The following ATP5MC3 variants were observed in gnomAD, a reference collection of about 807,000 sequenced individuals.
ATP5MC3 encodes ATP synthase membrane subunit c locus 3.
ATP5MC3 carries 6 observed loss-of-function variants against 15.6 expected under a neutral mutation model. The ratio of observed to expected loss-of-function variants is 0.38; its 90% CI spans 0.21 to 0.76. ATP5MC3 has a LOEUF of 0.76. ATP5MC3 is among the 30% of genes least tolerant of loss of function. The probability of loss-of-function intolerance (pLI) is 0.44; values close to 1 mark genes in which losing one functional copy is unlikely to be tolerated. For missense variants in ATP5MC3, 132 were observed against 171.2 expected, an observed-to-expected ratio of 0.77 and a Z score of 1.28; for synonymous variants, 66 against 63.3, an observed-to-expected ratio of 1.04 and a Z score of -0.20.
At chr2:175,180,846 A>G (rs1300207257) in intron 2 of ATP5MC3, among the ~76,000 whole-genome samples, 1 of 152,176 alleles carries the variant, frequency 6.6e-6, no homozygotes, top group Non-Finnish European at 1.5e-5. Context: ...TGTTATGAAA[A>G]TAATACTCCA....
At chr2:175,181,604 C>G (rs111370355) in intron 1 of ATP5MC3, 52 bp downstream of exon 1, 2 of 588,638 alleles carry the variant, frequency 3.4e-6, no homozygotes, top group Non-Finnish European at 2.9e-6. Context: ...TGGGTCCCTA[C>G]TGGGCGCCGC....
chr2:175,181,526 G>C, intron 1 of ATP5MC3, 60 bp from the exon 2 acceptor site: 2 of 1,116,810 alleles, frequency 1.8e-6, no homozygotes, highest in South Asian at 3.2e-5. Flanking sequence ...TTCCCACCCA[G>C]GCCCCGCAGG....
In ATP5MC3 at chr2:175,176,440, A is replaced by G. The variant is rs1700683167; in HGVS notation, c.*1848T>C. ...TGTACAATTCAGTGACATTTATTAT[A>G]TTTACAATGTTGTGCAACCATCACC... On this transcript the variant is annotated 3_prime_UTR_variant, in exon 5 of 5. Transcript: ENST00000284727. The G allele has an allele frequency of 6.6e-6, 1 of 152,192 alleles. No individual in the cohort carries two copies. Among genetic ancestry groups the G allele is most frequent in the Non-Finnish European group, 1.5e-5 (1 of 68,028 alleles). The allele number at this position is 152,192 out of a possible 1,614,324, so 9.4% of individuals were successfully genotyped here.
At position 175,178,271 on chromosome 2, in the gene ATP5MC3, TGTCAA is replaced by T. The variant is rs1559142525; in HGVS notation, c.*12_*16del. On this transcript the variant is annotated 3_prime_UTR_variant, in exon 5 of 5. Transcript: ENST00000284727. ...TCCGTAATTAATATGAATGCCAACA[TGTCAA>T]GCAGTAATTTGTTACATGGCAAACA... 1.2e-6 allele frequency: 2 copies of T among 1,600,048 alleles called. No homozygotes were observed. Among genetic ancestry groups the T allele is most frequent in the Non-Finnish European group, 1.7e-6 (2 of 1,176,144 alleles).
chr2:175,178,341 C>G lies in ATP5MC3; in HGVS notation c.376G>C (p.Ala126Pro). The change falls in exon 5 of 5, where the codon GCT (alanine) becomes CCT (proline). Residue 126 changes from alanine (A) to proline (P), a missense_variant. Around this residue, in one of 2 missense-constraint regions of ATP5MC3, gnomAD observed 42 missense variants for 85.0 expected, o/e 0.49. Coordinates refer to ENST00000284727, the MANE Select transcript of ATP5MC3 (RefSeq NM_001689.5). ...YAILGFALSEAMGLFCLMVAF... is the reference protein window; with the variant it reads ...YAILGFALSEPMGLFCLMVAF... ...ACCATCAAACAAAAGAGACCCATAG[C>G]TTCAGACAAGGCAAATCCCAGGATA... The G allele has an allele frequency of 6.2e-7, 1 of 1,613,156 alleles. No individual in the cohort carries two copies. Among genetic ancestry groups the G allele is most frequent in the Non-Finnish European group, 8.5e-7 (1 of 1,179,670 alleles).
chr2:175,181,431 G>A lies in ATP5MC3; in HGVS notation c.-38C>T. On this transcript the variant is annotated 5_prime_UTR_variant, in exon 2 of 5. Transcript: ENST00000284727. ...GGGACTGCGCGGCTGGAGATATTGGGTGACAGGCGACGTGGGCTCCTCTCC... is the reference window on the plus strand; with the variant it reads ...GGGACTGCGCGGCTGGAGATATTGGATGACAGGCGACGTGGGCTCCTCTCC... The A allele has an allele frequency of 6.2e-7, 1 of 1,612,132 alleles. No homozygotes were observed. Among genetic ancestry groups the A allele is most frequent in the Non-Finnish European group, 8.5e-7 (1 of 1,179,166 alleles).
intron 3 of ATP5MC3, 120 bp from the exon 4 acceptor site, chr2:175,179,370 CA>C (rs1445066623): frequency 7.9e-7 from 1 of 1,265,054 alleles, no homozygotes; most frequent in African/African-American, 1.5e-5. Context: ...TGTAAAGAGA[CA>C]AATCAAGAGC....
At position 175,178,323 on chromosome 2, in the gene ATP5MC3, A is replaced by T; in HGVS notation, c.394T>A (p.Leu132Met). The part of the protein sequence containing the change: ...ALSEAMGLFC[L>M]MVAFLILFAM ...AACAAAATCAAGAAAGCAACCATCAAACAAAAGAGACCCATAGCTTCAGAC... is the reference window on the plus strand; with the variant it reads ...AACAAAATCAAGAAAGCAACCATCATACAAAAGAGACCCATAGCTTCAGAC... The change falls in exon 5 of 5, where the codon TTG becomes ATG. Residue 132 changes from leucine to methionine, a missense_variant. Transcript: ENST00000284727. The T allele has an allele frequency of 6.2e-7, 1 of 1,611,518 alleles. No individual in the cohort carries two copies. Among genetic ancestry groups the T allele is most frequent in the Non-Finnish European group, 8.5e-7 (1 of 1,179,314 alleles).
chr2:175,179,345 T>C (rs1185014784), intron 3 of ATP5MC3, 95 bp from the exon 4 acceptor site: 41 of 1,415,396 alleles, frequency 2.9e-5, no homozygotes, highest in Non-Finnish European at 3.8e-5. Flanking sequence ...ACTACTTTTT[T>C]ATTTTGTAGC....
rs1700747396 is a variant in ATP5MC3, at chr2:175,180,132, A to G, written c.86T>C (p.Val29Ala). The change falls in exon 3 of 5, where the codon GTG becomes GCG. Residue 29 changes from valine (V) to alanine (A), a missense_variant. By Grantham distance (64) the Val-to-Ala change is moderately conservative. Coordinates refer to ENST00000284727, the MANE Select transcript of ATP5MC3 (RefSeq NM_001689.5). ...CCTACTAGCCTCTGGTCGAGATAACACTGATGCAGAAATTGGTCTGTATGC... is the reference window on the plus strand; with the variant it reads ...CCTACTAGCCTCTGGTCGAGATAACGCTGATGCAGAAATTGGTCTGTATGC... ...RVAYRPISAS[V>A]LSRPEASRTG... The G allele has an allele frequency of 6.2e-7, 1 of 1,600,898 alleles. No homozygotes were observed. Among genetic ancestry groups the G allele is most frequent in the East Asian group, 2.3e-5 (1 of 44,338 alleles).
rs1700715738 is a variant in ATP5MC3, at chr2:175,178,163, T to C, written c.*125A>G. On this transcript the variant is annotated 3_prime_UTR_variant, in exon 5 of 5. Transcript: ENST00000284727. ...AAGAAATTAAAGTTTTCATCTTTAA[T>C]GAAATGACTTTGGAAATAACGTACA... 9.0e-6 allele frequency: 13 copies of C among 1,446,764 alleles called. No homozygotes were observed. The highest frequency in any genetic ancestry group is 1.1e-5 in the Non-Finnish European group (12 of 1,099,418). The allele number at this position is 1,446,764 out of a possible 1,614,324, so 89.6% of individuals were successfully genotyped here.
rs1229364935 is a variant in ATP5MC3 at position 175,177,500 on chromosome 2, G to A, written c.*788C>T. On this transcript the variant is annotated 3_prime_UTR_variant, in exon 5 of 5. Coordinates refer to ENST00000284727, the MANE Select transcript of ATP5MC3 (RefSeq NM_001689.5). ...TTAGCAGCAAAATACTGTTGAACCA[G>A]CTATCATCCCCAAGACTCCCACTAT... is the stretch of plus-strand genomic sequence containing the variant. The A allele has an allele frequency of 6.6e-6, 1 of 152,132 alleles. No homozygotes were observed. The highest frequency in any genetic ancestry group is 2.4e-5 in the African/African-American group (1 of 41,436). The allele number at this position is 152,132 out of a possible 1,614,324, so 9.4% of individuals were successfully genotyped here.
chr2:175,179,458 CAT>C (rs1700737576), intron 3 of ATP5MC3, among the ~76,000 whole-genome samples: 1 of 152,098 alleles, frequency 6.6e-6, no homozygotes, highest in Non-Finnish European at 1.5e-5. Flanking sequence ...TAAGAAACAA[CAT>C]ATATAAATAT....
At chr2:175,181,213 G>A in intron 2 of ATP5MC3, 142 bp downstream of exon 2, 1 of 1,023,418 alleles carries the variant, frequency 9.8e-7, no homozygotes. Context: ...GGAAGAAAAC[G>A]GCAATGGGTT....
In ATP5MC3 at chr2:175,178,381, C is replaced by T; in HGVS notation, c.336G>A (p.Gln112=). The T allele has an allele frequency of 6.2e-7, 1 of 1,608,938 alleles. No individual in the cohort carries two copies. The highest frequency in any genetic ancestry group is 8.5e-7 in the Non-Finnish European group (1 of 1,178,414). The part of the protein sequence containing the change: ...GYARNPSLKQ[Q]LFSYAILGFA... Reference sequence around the variant, plus strand: ...ATCCCAGGATAGCATATGAGAACAGCTGCTGCTTCAGCGAAGGGTTTCTAA... The same window carrying T: ...ATCCCAGGATAGCATATGAGAACAGTTGCTGCTTCAGCGAAGGGTTTCTAA... Residue 112 remains glutamine, a synonymous_variant, in exon 5 of 5, where the codon CAG becomes CAA. Coordinates refer to ENST00000284727, the MANE Select transcript of ATP5MC3 (RefSeq NM_001689.5).
At chr2:175,178,964 A>T in intron 4 of ATP5MC3, 93 bp downstream of exon 4, 1 of 1,521,110 alleles carries the variant, frequency 6.6e-7, no homozygotes, top group South Asian at 1.3e-5. Context: ...GACACAGAGT[A>T]AGCACTTAAT....
Position 175,180,007 on chromosome 2 carries a change from C to T in ATP5MC3, c.120+91G>A, listed in dbSNP as rs566491563. Reference sequence around the variant, plus strand: ...AGGGTGGGAAAGACTTGCCCTCAAACTCTTATTAATAAAGTTTTTTTCCTT... The same window carrying T: ...AGGGTGGGAAAGACTTGCCCTCAAATTCTTATTAATAAAGTTTTTTTCCTT... On this transcript the variant is annotated intron_variant, in intron 3 of 4. Coordinates refer to ENST00000284727, the MANE Select transcript of ATP5MC3 (RefSeq NM_001689.5). 33 of 1,119,554 alleles carry T rather than the reference C, an allele frequency of 2.9e-5. No homozygotes were observed. The South Asian group carries it at 5.0e-4, about 17-fold the overall frequency. 69.4% of individuals were successfully genotyped at this position (1,119,554 alleles called of 1,614,324 possible).
rs925741589 is a variant in ATP5MC3 at position 175,177,533 on chromosome 2, T to G, written c.*755A>C. 7 of 152,206 alleles carry G rather than the reference T, an allele frequency of 4.6e-5. No individual in the cohort carries two copies. The highest frequency in any genetic ancestry group is 1.0e-4 in the Non-Finnish European group (7 of 68,026). 9.4% of individuals were successfully genotyped at this position (152,206 alleles called of 1,614,324 possible). On this transcript the variant is annotated 3_prime_UTR_variant, in exon 5 of 5. Coordinates refer to ENST00000284727, the MANE Select transcript of ATP5MC3 (RefSeq NM_001689.5). The stretch of plus-strand genomic sequence containing the variant: ...CCCCAAGACTCCCACTATAAACATG[T>G]TAGCAACAGTGATACACACTGCCTT...
Position 175,178,160 on chromosome 2 carries a change from T to C in ATP5MC3, c.*128A>G. 1 of 1,437,862 alleles carries C rather than the reference T, an allele frequency of 7.0e-7. No homozygotes were observed. Among genetic ancestry groups the C allele is most frequent in the South Asian group, 1.6e-5 (1 of 61,936 alleles). The allele number at this position is 1,437,862 out of a possible 1,614,324, so 89.1% of individuals were successfully genotyped here. A position where few individuals can be genotyped will look rare whatever the true frequency, so the allele number is the denominator to read the frequency against. On this transcript the variant is annotated 3_prime_UTR_variant, in exon 5 of 5. Transcript: ENST00000284727. ...CAGAAGAAATTAAAGTTTTCATCTT[T>C]AATGAAATGACTTTGGAAATAACGT...
Sources: allele counts gnomAD v4.1 joint callset (sites outside exome capture counted in the v4.1 genomes callset), GRCh38; gene constraint gnomAD v4.1.1; regional missense constraint gnomAD v4.1.1; transcripts MANE v1.5; gene names NCBI Gene and HGNC (gene_info 2026-07-23, HGNC 2026-07-21).